The following PBX3 variants were observed in gnomAD, a reference collection of about 807,000 sequenced individuals.
PBX3 encodes the protein pre-B-cell leukemia transcription factor 3.
In PBX3, 14 loss-of-function variants were observed where a neutral mutation model predicts 48.5. That is an observed-to-expected ratio of 0.29 (90% CI 0.19 to 0.45). The LOEUF is 0.45. Among genes scored for constraint, PBX3 ranks in the 20% least tolerant of loss-of-function variants. The pLI is 1.00. For missense variants in PBX3, 386 were observed against 546.7 expected, an observed-to-expected ratio of 0.71 and a Z score of 2.93; for synonymous variants, 210 against 200.3, an observed-to-expected ratio of 1.05 and a Z score of -0.41.
At chr9:125,913,977 C>T (rs1378430537) in intron 2 of PBX3, among the ~76,000 whole-genome samples, 1 of 152,090 alleles carries the variant, frequency 6.6e-6, no homozygotes, top group Non-Finnish European at 1.5e-5. Flanking sequence ...GCTATGTGAA[C>T]TACAAGCATG....
intron 2 of PBX3, among the ~76,000 whole-genome samples, chr9:125,832,058 G>A (rs1838976071): frequency 6.6e-6 from 1 of 152,052 alleles, no homozygotes; most frequent in African/African-American, 2.4e-5. Flanking sequence ...TAACTCAAAT[G>A]TAAGATTACA....
chr9:125,775,407 A>G lies in PBX3; in HGVS notation c.274+26784A>G, dbSNP rs550810656. Among the ~76,000 whole-genome samples the G allele has an allele frequency of 4.6e-5, 7 of 152,312 alleles. No individual in the cohort carries two copies. In the South Asian group the frequency reaches 6.2e-4, roughly 14 times the overall value. ...TATATTTAGGTGGTTAATCCATTTG[A>G]GTTAATTTTTGAATATGGTGTGAGG... On this transcript the variant is annotated intron_variant, in intron 2 of 8. Coordinates refer to ENST00000373489, the MANE Select transcript of PBX3 (RefSeq NM_006195.6).
intron 2 of PBX3, among the ~76,000 whole-genome samples, chr9:125,897,489 A>G (rs1417184393): frequency 1.3e-5 from 2 of 151,806 alleles, no homozygotes; most frequent in Non-Finnish European, 2.9e-5. Context: ...AATTATCACT[A>G]TTATCTCATT....
intron 2 of PBX3, among the ~76,000 whole-genome samples, chr9:125,807,977 G>C (rs544686668): frequency 1.1e-3 from 170 of 152,290 alleles, no homozygotes; most frequent in African/African-American, 4.0e-3. Context: ...ATCTCTGGGT[G>C]AATGAATTAA....
At chr9:125,789,770 A>G (rs575882391) in intron 2 of PBX3, among the ~76,000 whole-genome samples, 2 of 152,278 alleles carry the variant, frequency 1.3e-5, no homozygotes, top group Admixed American at 6.5e-5. Context: ...AAGGGTATAC[A>G]TCATCCATTT....
intron 2 of PBX3, among the ~76,000 whole-genome samples, chr9:125,769,499 C>T (rs1463769361): frequency 6.6e-6 from 1 of 152,100 alleles, no homozygotes; most frequent in African/African-American, 2.4e-5. Context: ...GAAAGATTAC[C>T]TTACCTGGAA....
chr9:125,931,121 CTT>C, intron 4 of PBX3, among the ~76,000 whole-genome samples: 1 of 152,196 alleles, frequency 6.6e-6, no homozygotes, highest in Middle Eastern at 3.4e-3. Flanking sequence ...TATTCTCTCT[CTT>C]TTTGTTTGTT....
chr9:125,891,981 G>T (rs193157977), intron 2 of PBX3, among the ~76,000 whole-genome samples: 5 of 152,282 alleles, frequency 3.3e-5, no homozygotes, highest in African/African-American at 1.2e-4. Context: ...ATGCATTGGC[G>T]TGATCTCGGC....
chr9:125,808,553 C>T (rs770501265), intron 2 of PBX3, among the ~76,000 whole-genome samples: 2 of 151,916 alleles, frequency 1.3e-5, no homozygotes, highest in African/African-American at 4.8e-5. Flanking sequence ...GTGGTCTTAG[C>T]GAGGCAATAG....
At chr9:125,782,349 C>T (rs1837344049) in intron 2 of PBX3, among the ~76,000 whole-genome samples, 2 of 152,178 alleles carry the variant, frequency 1.3e-5, no homozygotes, top group Admixed American at 6.5e-5. Flanking sequence ...CCACCCCTCC[C>T]CTCCCACAAC....
intron 2 of PBX3, among the ~76,000 whole-genome samples, chr9:125,761,213 C>CT (rs879668457): frequency 0.038 from 5,506 of 143,662 alleles, 331 homozygotes; most frequent in African/African-American, 0.13. Flanking sequence ...TTTCTTTTTT[C>CT]TTTTTTTTTT....
chr9:125,774,741 T>C (rs1837026606), intron 2 of PBX3, among the ~76,000 whole-genome samples: 1 of 152,200 alleles, frequency 6.6e-6, no homozygotes. Context: ...ATTACCTGTT[T>C]TCAATTCTTT....
At chr9:125,951,725 A>G (rs1303498770) in intron 5 of PBX3, among the ~76,000 whole-genome samples, 1 of 152,182 alleles carries the variant, frequency 6.6e-6, no homozygotes, top group Non-Finnish European at 1.5e-5. Context: ...AGAACCTTAG[A>G]TGGCATGACT....
At chr9:125,894,563 G>A (rs1047951653) in intron 2 of PBX3, among the ~76,000 whole-genome samples, 1 of 152,062 alleles carries the variant, frequency 6.6e-6, no homozygotes, top group Non-Finnish European at 1.5e-5. Flanking sequence ...GCATGTCTTT[G>A]TAGAAGAATA....
intron 1 of PBX3, 131 bp from the exon 2 acceptor site, chr9:125,748,419 A>C (rs1213889017): frequency 8.3e-6 from 12 of 1,445,410 alleles, no homozygotes; most frequent in Non-Finnish European, 1.0e-5. Flanking sequence ...GTTTTTGTTG[A>C]CTTCCCACGG....
At chr9:125,938,767 C>T (rs1021842383) in intron 5 of PBX3, among the ~76,000 whole-genome samples, 1 of 152,180 alleles carries the variant, frequency 6.6e-6, no homozygotes, top group Admixed American at 6.5e-5. Context: ...TTACCCTAGA[C>T]TGGATTCTGT....
At chr9:125,949,245 A>C in intron 5 of PBX3, 1 of 1,155,986 alleles carries the variant, frequency 8.7e-7, no homozygotes, top group Non-Finnish European at 1.2e-6. Flanking sequence ...AATAATGATA[A>C]TTTGCTCAGG....
chr9:125,831,313 T>G (rs2132192200), intron 2 of PBX3, among the ~76,000 whole-genome samples: 1 of 152,340 alleles, frequency 6.6e-6, no homozygotes, highest in Non-Finnish European at 1.5e-5. Flanking sequence ...AAAGTTCCCC[T>G]TCTTTCACCT....
At chr9:125,889,919 G>A (rs999877755) in intron 2 of PBX3, among the ~76,000 whole-genome samples, 4 of 150,112 alleles carry the variant, frequency 2.7e-5, no homozygotes, top group African/African-American at 7.3e-5. Context: ...GCGGGGCAGA[G>A]CGCCCTGAGC....
Sources: allele counts gnomAD v4.1 joint callset (sites outside exome capture counted in the v4.1 genomes callset), GRCh38; gene constraint gnomAD v4.1.1; transcripts MANE v1.5; gene names NCBI Gene and HGNC (gene_info 2026-07-23, HGNC 2026-07-21).